Variants in KCTD20 observed in about 807,000 individuals in gnomAD.
KCTD20 encodes potassium channel tetramerization domain containing 20.
In KCTD20, 30 loss-of-function variants were observed where a neutral mutation model predicts 39.6. The ratio of observed to expected loss-of-function variants is 0.76; its 90% CI spans 0.57 to 1.03. KCTD20 has a LOEUF of 1.03. KCTD20 is among the 50% of genes least tolerant of loss of function. KCTD20 has a pLI of 0.00. For synonymous variants in KCTD20, 162 were observed against 180.6 expected, an observed-to-expected ratio of 0.90 and a Z score of 0.83; for missense variants, 422 against 522.0, an observed-to-expected ratio of 0.81 and a Z score of 1.87.
chr6:36,454,351 T>C (rs571820040), intron 1 of KCTD20, among the ~76,000 whole-genome samples: 53 of 151,920 alleles, frequency 3.5e-4, no homozygotes, highest in African/African-American at 1.3e-3. Context: ...ATGGCTCTTT[T>C]TTTTTTTTGA....
rs759875855 is a variant in KCTD20 at position 36,469,993 on chromosome 6, T to C, written c.-46-59T>C. On this transcript the variant is annotated intron_variant, in intron 1 of 7. Coordinates refer to ENST00000373731, the MANE Select transcript of KCTD20 (RefSeq NM_173562.5). The surrounding 1 kb of genome is among the most constrained non-coding windows in gnomAD (Gnocchi z 4.6). Reference sequence around the variant, plus strand: ...GTTTTCTAGTTTTGCTTTCATACCATGGAATTCCTTAGAAATCTGTTTTGT... The same window carrying C: ...GTTTTCTAGTTTTGCTTTCATACCACGGAATTCCTTAGAAATCTGTTTTGT... The C allele has an allele frequency of 1.9e-6, 2 of 1,058,280 alleles. No homozygotes were observed. Among genetic ancestry groups the C allele is most frequent in the East Asian group, 2.7e-5 (1 of 37,730 alleles). 65.6% of individuals were successfully genotyped at this position (1,058,280 alleles called of 1,614,324 possible).
Position 36,487,040 on chromosome 6 carries a change from C to T in KCTD20, c.1125C>T (p.Leu375=), listed in dbSNP as rs142372046. The T allele has an allele frequency of 4.4e-4, 710 of 1,614,216 alleles. 4 individuals are homozygous for T. The African/African-American group carries it at 8.3e-3, about 19-fold the overall frequency. ...TCCAGTGTGTTCGAAGCAAATCCCT[C>T]ACGAATCTGGTAGCTGCTGGAGATG... The part of the protein sequence containing the change: ...VDFQCVRSKS[L]TNLVAAGDDV... Residue 375 remains leucine (L), a synonymous_variant, in exon 8 of 8, where the codon CTC becomes CTT. Coordinates refer to ENST00000373731, the MANE Select transcript of KCTD20 (RefSeq NM_173562.5).
intron 1 of KCTD20, among the ~76,000 whole-genome samples, chr6:36,466,408 G>T (rs1346208332): frequency 3.3e-5 from 5 of 149,558 alleles, no homozygotes; most frequent in Non-Finnish European, 5.9e-5. Flanking sequence ...TTGAAACAGG[G>T]TCTTGCTCTG....
intron 1 of KCTD20, among the ~76,000 whole-genome samples, chr6:36,448,958 C>A (rs1775144067): frequency 6.6e-6 from 1 of 152,068 alleles, no homozygotes; most frequent in African/African-American, 2.4e-5. Context: ...GTTGTTTGTT[C>A]CTCCCGGTGG....
chr6:36,481,415 T>C (rs188868053), intron 5 of KCTD20, 147 bp from the exon 6 acceptor site: 464 of 643,936 alleles, frequency 7.2e-4, no homozygotes, highest in Middle Eastern at 3.5e-3. Flanking sequence ...ATTATCACCC[T>C]GGAGCAGGAA....
At chr6:36,485,283 C>T (rs1776381900) in intron 7 of KCTD20, among the ~76,000 whole-genome samples, 1 of 151,464 alleles carries the variant, frequency 6.6e-6, no homozygotes, top group Non-Finnish European at 1.5e-5. Context: ...AATTGCACTC[C>T]AGCCTGGGCA....
chr6:36,455,801 G>C (rs1347560317), intron 1 of KCTD20, among the ~76,000 whole-genome samples: 19 of 152,182 alleles, frequency 1.2e-4, no homozygotes, highest in Admixed American at 1.2e-3. Context: ...AGAGAAGTTT[G>C]TGTTCTGCCC....
chr6:36,449,634 C>A (rs932088278), intron 1 of KCTD20, among the ~76,000 whole-genome samples: 1 of 152,182 alleles, frequency 6.6e-6, no homozygotes, highest in Non-Finnish European at 1.5e-5. Flanking sequence ...AGTCCCCACT[C>A]GACCCAGGAA....
chr6:36,479,295 T>G, intron 4 of KCTD20, 72 bp downstream of exon 4: 2 of 1,083,170 alleles, frequency 1.8e-6, no homozygotes, highest in Non-Finnish European at 2.7e-6. Context: ...GAGAGTTCCA[T>G]CAACTATGTT....
chr6:36,481,356 G>A (rs1776243144), intron 5 of KCTD20, among the ~76,000 whole-genome samples: 2 of 152,172 alleles, frequency 1.3e-5, no homozygotes, highest in Admixed American at 1.3e-4. Context: ...TATTAAACAT[G>A]AGTAAATTGA....
intron 1 of KCTD20, among the ~76,000 whole-genome samples, chr6:36,468,010 C>G (rs1474821884): frequency 1.3e-5 from 2 of 152,006 alleles, no homozygotes; most frequent in Non-Finnish European, 2.9e-5. Flanking sequence ...AGGATTCATC[C>G]AAGCAAGTAA....
Position 36,470,032 on chromosome 6 carries a change from T to C in KCTD20, c.-46-20T>C. 7.3e-7 allele frequency: 1 copy of C among 1,377,624 alleles called. No homozygotes were observed. The highest frequency in any genetic ancestry group is 9.8e-7 in the Non-Finnish European group (1 of 1,021,242). 85.3% of individuals were successfully genotyped at this position (1,377,624 alleles called of 1,614,324 possible). Reference sequence around the variant, plus strand: ...AATCTGTTTTGTGAGTTCTAAATCATGCATATTCCTGTGTTCCAGGATTTC... The same window carrying C: ...AATCTGTTTTGTGAGTTCTAAATCACGCATATTCCTGTGTTCCAGGATTTC... On this transcript the variant is annotated intron_variant, in intron 1 of 7. Coordinates refer to ENST00000373731, the MANE Select transcript of KCTD20 (RefSeq NM_173562.5).
intron 4 of KCTD20, 107 bp from the exon 5 acceptor site, chr6:36,479,484 A>T: frequency 9.8e-7 from 1 of 1,024,724 alleles, no homozygotes; most frequent in Non-Finnish European, 1.4e-6. Flanking sequence ...ATTTGGTGAT[A>T]ATTCCAGTAG....
chr6:36,474,211 C>T (rs1262197575), intron 2 of KCTD20, among the ~76,000 whole-genome samples: 1 of 149,234 alleles, frequency 6.7e-6, no homozygotes, highest in African/African-American at 2.5e-5. Flanking sequence ...TCTCCCGATG[C>T]TATCCCTCCC....
intron 1 of KCTD20, chr6:36,450,965 G>A (rs1057049925): frequency 6.6e-6 from 1 of 152,162 alleles, no homozygotes; most frequent in African/African-American, 2.4e-5. Context: ...GCTATTCACA[G>A]TCTTGATCCC....
At chr6:36,446,581 G>T (rs1267132245) in intron 1 of KCTD20, among the ~76,000 whole-genome samples, 3 of 152,130 alleles carry the variant, frequency 2.0e-5, no homozygotes, top group Non-Finnish European at 4.4e-5. Context: ...TAGCCCAGAA[G>T]TTCCAGACCA....
chr6:36,459,285 T>C (rs1775533270), intron 1 of KCTD20, among the ~76,000 whole-genome samples: 1 of 152,148 alleles, frequency 6.6e-6, no homozygotes, highest in African/African-American at 2.4e-5. Flanking sequence ...CACTCCAGCC[T>C]GGGCAACAGA....
intron 1 of KCTD20, among the ~76,000 whole-genome samples, chr6:36,457,576 T>C (rs745669069): frequency 1.3e-5 from 2 of 152,096 alleles, no homozygotes; most frequent in South Asian, 2.1e-4. Flanking sequence ...TAGCTGGGCA[T>C]GGTTGTGCAT....
intron 5 of KCTD20, among the ~76,000 whole-genome samples, chr6:36,480,469 GC>G (rs1437611984): frequency 2.0e-5 from 3 of 146,836 alleles, no homozygotes; most frequent in Non-Finnish European, 4.5e-5. Context: ...TGTTGCTCAG[GC>G]TGGTCTCAAA....
Sources: allele counts gnomAD v4.1 joint callset (sites outside exome capture counted in the v4.1 genomes callset), GRCh38; gene constraint gnomAD v4.1.1; non-coding constraint Gnocchi (gnomAD v3.1); transcripts MANE v1.5; gene names NCBI Gene and HGNC (gene_info 2026-07-23, HGNC 2026-07-21).